DOCK10: variants seen among roughly 807,000 people sequenced by gnomAD.
DOCK10 encodes dedicator of cytokinesis 10.
In DOCK10, 145 loss-of-function variants were observed where a neutral mutation model predicts 280.1. The observed-to-expected ratio is 0.52, with a 90% CI of 0.45 to 0.59. DOCK10 has a LOEUF of 0.59. DOCK10 is among the 20% of genes least tolerant of loss of function. The pLI is 0.00. For missense variants in DOCK10, 2,368 were observed against 2,651.7 expected, an observed-to-expected ratio of 0.89 and a Z score of 2.35; for synonymous variants, 915 against 942.2, an observed-to-expected ratio of 0.97 and a Z score of 0.53.
At chr2:224,947,074 T>C in intron 1 of DOCK10, 1 of 1,381,626 alleles carries the variant, frequency 7.2e-7, no homozygotes. Flanking sequence ...ATGCTCATGC[T>C]ACATGAATGT....
chr2:224,879,706 C>T lies in DOCK10; in HGVS notation c.748-3485G>A, dbSNP rs551729184. On this transcript the variant is annotated intron_variant, in intron 7 of 55. Transcript: ENST00000258390. The stretch of plus-strand genomic sequence containing the variant: ...CCAGGAGGTAGAGGTTGCAGTGAGC[C>T]GAAATTGCACCACTGCACTCCCAGC... Among the ~76,000 whole-genome samples, 21 of 151,716 alleles carry T rather than the reference C, an allele frequency of 1.4e-4. No individual in the cohort carries two copies. The South Asian group carries it at 4.0e-3, about 29-fold the overall frequency.
At position 224,800,138 on chromosome 2, in the gene DOCK10, T is replaced by A. The variant is rs1692880409; in HGVS notation, c.4506+13A>T. The stretch of plus-strand genomic sequence containing the variant: ...TCATCATTTTTTGCAGAAAATGTTA[T>A]CATCATATTCACCTGATGAGTCTGT... On this transcript the variant is annotated intron_variant, in intron 41 of 55. Coordinates refer to ENST00000258390, the MANE Select transcript of DOCK10 (RefSeq NM_014689.3). 6.7e-7 allele frequency: 1 copy of A among 1,488,376 alleles called. No homozygotes were observed. 92.2% of individuals were successfully genotyped at this position (1,488,376 alleles called of 1,614,324 possible).
chr2:224,978,936 C>T (rs1019166848), intron 1 of DOCK10, among the ~76,000 whole-genome samples: 1 of 145,868 alleles, frequency 6.9e-6, no homozygotes, highest in African/African-American at 2.5e-5. Context: ...CAAGCACAGT[C>T]AACTCTGACA....
chr2:224,991,425 T>A (rs1463590359), intron 1 of DOCK10, among the ~76,000 whole-genome samples: 1 of 152,212 alleles, frequency 6.6e-6, no homozygotes, highest in Non-Finnish European at 1.5e-5. Context: ...AACACTGGCA[T>A]AAATAGTAGG....
intron 25 of DOCK10, among the ~76,000 whole-genome samples, chr2:224,837,111 A>T (rs910260304): frequency 3.3e-5 from 5 of 152,186 alleles, no homozygotes; most frequent in African/African-American, 1.2e-4. Flanking sequence ...CTTTCTTTTC[A>T]TTCAAGAGGA....
intron 43 of DOCK10, 82 bp from the exon 44 acceptor site, chr2:224,796,508 A>G (rs573925771): frequency 2.4e-6 from 2 of 824,302 alleles, no homozygotes; most frequent in South Asian, 3.2e-5. Flanking sequence ...GGGTAAATGT[A>G]TTATTAGTTT....
At chr2:224,886,740 T>A (rs1374138482) in intron 4 of DOCK10, among the ~76,000 whole-genome samples, 1 of 152,212 alleles carries the variant, frequency 6.6e-6, no homozygotes, top group Non-Finnish European at 1.5e-5. Flanking sequence ...ATCTCTATTT[T>A]AAACCATGGA....
Position 224,876,009 on chromosome 2 carries a change from G to T in DOCK10, c.931+29C>A, listed in dbSNP as rs1285681280. 6 of 1,599,798 alleles carry T rather than the reference G, an allele frequency of 3.8e-6. No homozygotes were observed. The African/African-American group carries it at 8.1e-5, about 22-fold the overall frequency. On this transcript the variant is annotated intron_variant, in intron 8 of 55. Coordinates refer to ENST00000258390, the MANE Select transcript of DOCK10 (RefSeq NM_014689.3). ...AAAAACACAGGTCACACTGGACAAA[G>T]GAAGGAAGACGGCTTCATATGCTCT... is the stretch of plus-strand genomic sequence containing the variant.
At position 224,794,890 on chromosome 2, in the gene DOCK10, C is replaced by G; in HGVS notation, c.5143G>C (p.Asp1715His). The change falls in exon 45 of 56, where the codon GAT becomes CAT. Residue 1715 changes from aspartate to histidine, a missense_variant. This residue lies in a region of DOCK10 where 1,159 missense variants were observed against 1,400.8 expected (regional missense o/e 0.83). Coordinates refer to ENST00000258390, the MANE Select transcript of DOCK10 (RefSeq NM_014689.3). ...SMAKIHARNG[D>H]LSEAAMCYIH... The stretch of plus-strand genomic sequence containing the variant: ...CCTTGGCTAATCACCTCAGATAAAT[C>G]TCCGTTTCTGGCATGAATCTTGGCC... 1 of 1,613,636 alleles carries G rather than the reference C, an allele frequency of 6.2e-7. No individual in the cohort carries two copies. Among genetic ancestry groups the G allele is most frequent in the African/African-American group, 1.3e-5 (1 of 75,026 alleles).
chr2:225,019,880 T>A (rs1423595090), intron 1 of DOCK10, among the ~76,000 whole-genome samples: 1 of 152,236 alleles, frequency 6.6e-6, no homozygotes, highest in African/African-American at 2.4e-5. Context: ...CAAATTCCCA[T>A]GCTTTCTGTC....
At chr2:224,871,661 T>C (rs1016751109) in intron 11 of DOCK10, among the ~76,000 whole-genome samples, 2 of 152,202 alleles carry the variant, frequency 1.3e-5, no homozygotes, top group Non-Finnish European at 2.9e-5. Context: ...TTGCTAAAGC[T>C]TACCTGTCTT....
At chr2:224,946,751 C>A (rs1703442772) in intron 1 of DOCK10, 3 of 870,806 alleles carry the variant, frequency 3.4e-6, no homozygotes, top group African/African-American at 3.5e-5. Context: ...CTTCACCCAG[C>A]AGCCTCTGCT....
At chr2:224,937,600 A>G (rs1287600603) in intron 1 of DOCK10, among the ~76,000 whole-genome samples, 1 of 152,110 alleles carries the variant, frequency 6.6e-6, no homozygotes, top group Non-Finnish European at 1.5e-5. Context: ...TAAAAAAAGG[A>G]CAGCTTCTCC....
In DOCK10 at chr2:225,018,732, A is replaced by AATAT. The variant is rs57352498; in HGVS notation, c.123+23516_123+23519dup. ...CTAGGCCTTTCCAAGATTTCATGTA[A>AATAT]ATATATATATATACACATACACATA... is the stretch of plus-strand genomic sequence containing the variant. On this transcript the variant is annotated intron_variant, in intron 1 of 55. Coordinates refer to ENST00000258390, the MANE Select transcript of DOCK10 (RefSeq NM_014689.3). Among the ~76,000 whole-genome samples, 309 of 38,028 alleles carry AATAT rather than the reference A, an allele frequency of 8.1e-3. 2 individuals carry two copies. Among genetic ancestry groups the AATAT allele is most frequent in the African/African-American group, 0.018 (273 of 15,178 alleles). 24.9% of individuals were successfully genotyped at this position (38,028 alleles called of 152,430 possible). A position where few individuals can be genotyped will look rare whatever the true frequency, so the allele number is the denominator to read the frequency against.
At chr2:224,898,497 C>T (rs527885657) in intron 3 of DOCK10, among the ~76,000 whole-genome samples, 3 of 152,310 alleles carry the variant, frequency 2.0e-5, no homozygotes, top group Non-Finnish European at 4.4e-5. Flanking sequence ...GGAATTTGAG[C>T]AAAACAGTAT....
chr2:224,949,663 AT>A (rs1423815478), intron 1 of DOCK10, among the ~76,000 whole-genome samples: 6 of 152,218 alleles, frequency 3.9e-5, no homozygotes, highest in Non-Finnish European at 7.3e-5. Flanking sequence ...AATGGTTAAA[AT>A]TACAGAATCA....
At position 224,874,083 on chromosome 2, in the gene DOCK10, A is replaced by G; in HGVS notation, c.1170T>C (p.Ala390=). 1 of 1,612,852 alleles carries G rather than the reference A, an allele frequency of 6.2e-7. No homozygotes were observed. The highest frequency in any genetic ancestry group is 8.5e-7 in the Non-Finnish European group (1 of 1,179,350). Residue 390 remains alanine (A), a synonymous_variant, in exon 11 of 56, where the codon GCT becomes GCC. Transcript: ENST00000258390. Reference sequence around the variant, plus strand: ...TACAGATGATCATGATTCTCTTGGCAGCTTTTTCTTCAAATGGTTTGATCA... The same window carrying G: ...TACAGATGATCATGATTCTCTTGGCGGCTTTTTCTTCAAATGGTTTGATCA... ...ESVIKPFEEK[A]AKRIMIICKA...
intron 19 of DOCK10, among the ~76,000 whole-genome samples, chr2:224,846,340 C>T (rs998802158): frequency 6.6e-6 from 1 of 152,168 alleles, no homozygotes; most frequent in African/African-American, 2.4e-5. Flanking sequence ...TAAGTCCGTG[C>T]CTCCCAAAGT....
chr2:224,913,921 G>A (rs1260638126), intron 3 of DOCK10, among the ~76,000 whole-genome samples: 1 of 151,848 alleles, frequency 6.6e-6, no homozygotes, highest in Non-Finnish European at 1.5e-5. Context: ...TGTATTTTTA[G>A]TAGAGACGGG....
Sources: gnomAD v4.1 joint callset for allele counts (sites outside exome capture counted in the v4.1 genomes callset) on GRCh38, gnomAD v4.1.1 for gene constraint, gnomAD v4.1.1 regional missense constraint, MANE v1.5 for transcripts, NCBI Gene and HGNC (gene_info 2026-07-23, HGNC 2026-07-21) for gene names.